The following RBBP4 variants were observed in gnomAD, a reference collection of about 807,000 sequenced individuals.
RBBP4 encodes the protein histone-binding protein RBBP4.
RBBP4 carries 3 observed loss-of-function variants against 57.2 expected under a neutral mutation model. The ratio of observed to expected loss-of-function variants is 0.05; its 90% CI spans 0.02 to 0.14. The LOEUF (loss-of-function observed/expected upper bound fraction) is 0.14. RBBP4 is among the 10% of genes least tolerant of loss of function. The pLI is 1.00. For synonymous variants in RBBP4, 151 were observed against 171.5 expected (o/e 0.88, Z 0.93); for missense variants, 107 against 520.6 (o/e 0.21, Z 7.73).
intron 3 of RBBP4, among the ~76,000 whole-genome samples, chr1:32,659,154 T>G (rs1648290306): frequency 6.7e-6 from 1 of 148,428 alleles, no homozygotes; most frequent in African/African-American, 2.4e-5. Flanking sequence ...ATATAAAATA[T>G]ATGTAATTTT....
intron 11 of RBBP4, among the ~76,000 whole-genome samples, chr1:32,678,240 C>CTTT (rs1649197464): frequency 2.0e-5 from 3 of 152,098 alleles, no homozygotes. Flanking sequence ...TTTTGGACCC[C>CTTT]TGTTTTTTTT....
At chr1:32,656,237 C>G (rs1648133220) in intron 2 of RBBP4, among the ~76,000 whole-genome samples, 1 of 152,114 alleles carries the variant, frequency 6.6e-6, no homozygotes, top group African/African-American at 2.4e-5. Context: ...CTCTGTCACC[C>G]AGGCTGGAGT....
intron 8 of RBBP4, among the ~76,000 whole-genome samples, chr1:32,671,168 A>G (rs1648860040): frequency 6.6e-6 from 1 of 152,220 alleles, no homozygotes; most frequent in South Asian, 2.1e-4. Context: ...TCAGACTTAT[A>G]TGTAATACAG....
intron 3 of RBBP4, among the ~76,000 whole-genome samples, chr1:32,661,868 CACT>C (rs1263187005): frequency 1.0e-5 from 1 of 97,428 alleles, no homozygotes; most frequent in Admixed American, 1.2e-4. Context: ...GTCCTTTGCC[CACT>C]TTTTTTTTTT....
chr1:32,664,440 GCTT>G (rs762266915), intron 3 of RBBP4, among the ~76,000 whole-genome samples: 74 of 151,882 alleles, frequency 4.9e-4, no homozygotes, highest in Non-Finnish European at 9.9e-4. Flanking sequence ...TGGCAGCTAT[GCTT>G]CTTTTTTTGT....
Position 32,681,510 on chromosome 1 carries a change from A to G in RBBP4, c.*1805A>G, listed in dbSNP as rs972815226. ...CACAAGGCAAGATACATTCTTTAAAATACTCCCAGATGTGTCCATACATTC... is the reference window on the plus strand; with the variant it reads ...CACAAGGCAAGATACATTCTTTAAAGTACTCCCAGATGTGTCCATACATTC... On this transcript the variant is annotated 3_prime_UTR_variant, in exon 12 of 12. Coordinates refer to ENST00000373493, the MANE Select transcript of RBBP4 (RefSeq NM_005610.3). 3.3e-6 allele frequency: 1 copy of G among 306,924 alleles called. No individual in the cohort carries two copies. Among genetic ancestry groups the G allele is most frequent in the Non-Finnish European group, 5.9e-6 (1 of 168,140 alleles). 19.0% of individuals were successfully genotyped at this position (306,924 alleles called of 1,614,324 possible).
Position 32,682,033 on chromosome 1 carries a change from T to TGG in RBBP4, c.*2330_*2331dup. On this transcript the variant is annotated 3_prime_UTR_variant, in exon 12 of 12. Coordinates refer to ENST00000373493, the MANE Select transcript of RBBP4 (RefSeq NM_005610.3). ...CAAATAGAATGAATGGTGATGGTGA[T>TGG]GGGAGGGATAGTTAAACGTTTTCTC... The TGG allele has an allele frequency of 1.7e-6, 1 of 606,040 alleles. No homozygotes were observed. Among genetic ancestry groups the TGG allele is most frequent in the South Asian group, 2.0e-5 (1 of 49,190 alleles). The allele number at this position is 606,040 out of a possible 1,614,324, so 37.5% of individuals were successfully genotyped here.
chr1:32,655,138 G>A (rs554062843), intron 2 of RBBP4, among the ~76,000 whole-genome samples: 308 of 152,102 alleles, frequency 2.0e-3, no homozygotes, highest in African/African-American at 7.0e-3. Context: ...ACAGGCACAC[G>A]CTACCATACC....
At chr1:32,666,545 C>G (rs537495592) in intron 3 of RBBP4, among the ~76,000 whole-genome samples, 6 of 151,970 alleles carry the variant, frequency 3.9e-5, no homozygotes, top group Admixed American at 3.9e-4. Flanking sequence ...TTAGTAGAGA[C>G]GGGGTTTTAC....
In RBBP4 at chr1:32,680,357, G is replaced by GTT. The variant is rs372285843; in HGVS notation, c.*670_*671dup. ...AATGGTGTTTTTTTTTTTGTTGTTG[G>GTT]TTTTTTTTTTTTTTTTTTTAACTTG... On this transcript the variant is annotated 3_prime_UTR_variant, in exon 12 of 12. Coordinates refer to ENST00000373493, the MANE Select transcript of RBBP4 (RefSeq NM_005610.3). 2,850 of 982,828 alleles carry GTT rather than the reference G, an allele frequency of 2.9e-3. 3 individuals carry two copies. Among genetic ancestry groups the GTT allele is most frequent in the African/African-American group, 5.5e-3 (251 of 45,800 alleles). 60.9% of individuals were successfully genotyped at this position (982,828 alleles called of 1,614,324 possible).
chr1:32,669,173 A>T lies in RBBP4; in HGVS notation c.761+41A>T, dbSNP rs359955. ...TCAGAGTTTCTAAATATCTTGTCTA[A>T]GTTTTATGTTTAGTCACCATTTCAA... On this transcript the variant is annotated intron_variant, in intron 6 of 11. Coordinates refer to ENST00000373493, the MANE Select transcript of RBBP4 (RefSeq NM_005610.3). This position sits in a 1 kb window ranked among gnomAD's most constrained non-coding sequence, Gnocchi z 4.9. The T allele has an allele frequency of 6.8e-6, 11 of 1,611,642 alleles. No homozygotes were observed. In the South Asian group the frequency reaches 7.7e-5, roughly 11 times the overall value.
chr1:32,681,706 G>T lies in RBBP4; in HGVS notation c.*2001G>T. 7.6e-7 allele frequency: 1 copy of T among 1,310,898 alleles called. No homozygotes were observed. Among genetic ancestry groups the T allele is most frequent in the Non-Finnish European group, 1.1e-6 (1 of 917,172 alleles). 81.2% of individuals were successfully genotyped at this position (1,310,898 alleles called of 1,614,324 possible). On this transcript the variant is annotated 3_prime_UTR_variant, in exon 12 of 12. Transcript: ENST00000373493. ...AGAATCTTTTTAAGCAGGTCAGCCA[G>T]TATTTGCAACTTCCACAGGATGAAT...
intron 2 of RBBP4, among the ~76,000 whole-genome samples, chr1:32,654,737 A>G (rs578227131): frequency 2.1e-4 from 32 of 152,280 alleles, no homozygotes; most frequent in South Asian, 6.2e-4. Context: ...CTTGTTACTC[A>G]TACTGGAGTG....
intron 1 of RBBP4, 55 bp downstream of exon 1, chr1:32,651,377 G>A (rs1349625337): frequency 7.1e-7 from 1 of 1,404,008 alleles, no homozygotes; most frequent in African/African-American, 1.5e-5. Context: ...CTGAGCCGCG[G>A]CCTCGACATG....
At position 32,651,230 on chromosome 1, in the gene RBBP4, A is replaced by C. The variant is rs1371982663; in HGVS notation, c.-77A>C. The C allele has an allele frequency of 4.7e-6, 7 of 1,504,168 alleles. No homozygotes were observed. Among genetic ancestry groups the C allele is most frequent in the Admixed American group, 2.2e-5 (1 of 45,690 alleles). The allele number at this position is 1,504,168 out of a possible 1,614,324, so 93.2% of individuals were successfully genotyped here. The stretch of plus-strand genomic sequence containing the variant: ...GCAGGAAACAATAGAGGCCGCGCGC[A>C]CAGAGCGAGCTCTTGCAGCCTCCCC... On this transcript the variant is annotated 5_prime_UTR_variant, in exon 1 of 12. Coordinates refer to ENST00000373493, the MANE Select transcript of RBBP4 (RefSeq NM_005610.3).
At chr1:32,657,691 T>G (rs972573629) in intron 3 of RBBP4, 119 bp downstream of exon 3, 77 of 1,157,940 alleles carry the variant, frequency 6.6e-5, no homozygotes, top group Non-Finnish European at 5.6e-5. Flanking sequence ...AGCCTGAGTT[T>G]GCAATGGTAG....
At chr1:32,668,162 T>C (rs931094005) in intron 3 of RBBP4, 63 bp from the exon 4 acceptor site, 4 of 1,464,924 alleles carry the variant, frequency 2.7e-6, no homozygotes, top group Admixed American at 4.3e-5. Flanking sequence ...TGTGTTCTTA[T>C]ACTCTGGGTA....
At chr1:32,665,342 C>T (rs1648598411) in intron 3 of RBBP4, among the ~76,000 whole-genome samples, 2 of 152,070 alleles carry the variant, frequency 1.3e-5, no homozygotes, top group South Asian at 4.1e-4. Context: ...GCCATACCAC[C>T]CATGTATATC....
chr1:32,679,277 A>G (rs1488866104), intron 11 of RBBP4, among the ~76,000 whole-genome samples: 2 of 152,160 alleles, frequency 1.3e-5, no homozygotes, highest in Non-Finnish European at 2.9e-5. Flanking sequence ...AGCCTGGGAG[A>G]CAGAGCAAGG....
Sources: allele counts gnomAD v4.1 joint callset (sites outside exome capture counted in the v4.1 genomes callset), GRCh38; gene constraint gnomAD v4.1.1; non-coding constraint Gnocchi (gnomAD v3.1); transcripts MANE v1.5; gene names NCBI Gene and HGNC (gene_info 2026-07-23, HGNC 2026-07-21).